The following SESTD1 variants were observed in gnomAD, a reference collection of about 807,000 sequenced individuals.
The protein encoded by SESTD1 is SEC14 and spectrin domain containing 1.
In SESTD1, 43 loss-of-function variants were observed where a neutral mutation model predicts 101.7. The observed-to-expected ratio is 0.42, with a 90% CI of 0.33 to 0.55. SESTD1 has a LOEUF of 0.55. SESTD1 is among the 20% of genes least tolerant of loss of function. The probability of loss-of-function intolerance (pLI) is 0.07; values close to 1 mark genes in which losing one functional copy is unlikely to be tolerated. For missense variants in SESTD1, 647 were observed against 815.1 expected (o/e 0.79, Z 2.51); for synonymous variants, 283 against 286.8 (o/e 0.99, Z 0.13).
At chr2:179,120,411 T>TAAAG (rs948370409) in intron 13 of SESTD1, among the ~76,000 whole-genome samples, 1 of 152,052 alleles carries the variant, frequency 6.6e-6, no homozygotes, top group Admixed American at 6.5e-5. Flanking sequence ...CATGATCTAT[T>TAAAG]AAAGAAAGTA....
At chr2:179,221,902 G>A (rs753689954) in intron 1 of SESTD1, among the ~76,000 whole-genome samples, 3 of 151,722 alleles carry the variant, frequency 2.0e-5, no homozygotes, top group South Asian at 2.1e-4. Context: ...CCTGGGTGAC[G>A]GAGTTAGACC....
chr2:179,124,395 G>A lies in SESTD1; in HGVS notation c.1136C>T (p.Ala379Val). The change falls in exon 11 of 18, where the codon GCA becomes GTA. Residue 379 changes from alanine (A) to valine (V), a missense_variant. Physicochemically the swap from Ala to Val is moderately conservative, Grantham distance 64 (BLOSUM62 0). Transcript: ENST00000428443. ...QLEFRQNLLQ[A>V]ALEFHGVAQD... ...GGCAACACCATGAAATTCAAGAGCT[G>A]CTTGTAAGAGATTTTGCCTAAATTC... is the stretch of plus-strand genomic sequence containing the variant. The A allele has an allele frequency of 6.2e-7, 1 of 1,614,044 alleles. No homozygotes were observed.
chr2:179,189,069 C>G lies in SESTD1; in HGVS notation c.55+2718G>C, dbSNP rs539989048. On this transcript the variant is annotated intron_variant, in intron 2 of 17. Coordinates refer to ENST00000428443, the MANE Select transcript of SESTD1 (RefSeq NM_178123.5). ...AATTAAAGAGGAGGGATTCCCTCTT[C>G]TGTAAAGCCAGCATCATCCTGACAC... is the stretch of plus-strand genomic sequence containing the variant. Among the ~76,000 whole-genome samples, 10 of 152,148 alleles carry G rather than the reference C, an allele frequency of 6.6e-5. No homozygotes were observed. In the South Asian group the frequency reaches 2.1e-3, roughly 32 times the overall value.
chr2:179,249,212 TAA>T (rs58597141), intron 1 of SESTD1, among the ~76,000 whole-genome samples: 12 of 126,008 alleles, frequency 9.5e-5, no homozygotes, highest in Admixed American at 1.6e-4. Flanking sequence ...GCATACAGAT[TAA>T]AAAAAAAAAA....
In SESTD1 at chr2:179,101,797, G is replaced by C. The variant is rs940574102; in HGVS notation, c.*8102C>G. The C allele has an allele frequency of 1.3e-5, 2 of 152,162 alleles. No homozygotes were observed. The highest frequency in any genetic ancestry group is 4.8e-5 in the African/African-American group (2 of 41,444). The allele number at this position is 152,162 out of a possible 1,614,324, so 9.4% of individuals were successfully genotyped here. A position where few individuals can be genotyped will look rare whatever the true frequency, so the allele number is the denominator to read the frequency against. ...AATGAAGCATCTAATGGAAAACCTAGAGATGGATGGATACTCTAACATGTA... is the reference window on the plus strand; with the variant it reads ...AATGAAGCATCTAATGGAAAACCTACAGATGGATGGATACTCTAACATGTA... On this transcript the variant is annotated 3_prime_UTR_variant, in exon 18 of 18. Coordinates refer to ENST00000428443, the MANE Select transcript of SESTD1 (RefSeq NM_178123.5).
At chr2:179,247,361 A>G (rs2105552284) in intron 1 of SESTD1, among the ~76,000 whole-genome samples, 1 of 152,328 alleles carries the variant, frequency 6.6e-6, no homozygotes, top group Non-Finnish European at 1.5e-5. Flanking sequence ...AACATTTACA[A>G]AAATCTAGAA....
At chr2:179,236,785 G>A (rs2047075517) in intron 1 of SESTD1, among the ~76,000 whole-genome samples, 1 of 135,666 alleles carries the variant, frequency 7.4e-6, no homozygotes, top group Non-Finnish European at 1.6e-5. Context: ...ATTTGCTATC[G>A]TTTGATGATC....
At chr2:179,135,524 T>C (rs1037942230) in intron 9 of SESTD1, among the ~76,000 whole-genome samples, 1 of 151,980 alleles carries the variant, frequency 6.6e-6, no homozygotes, top group Non-Finnish European at 1.5e-5. Context: ...GAGGCTGAGG[T>C]GGGCAGATGG....
intron 5 of SESTD1, among the ~76,000 whole-genome samples, chr2:179,160,926 A>G (rs1331519981): frequency 6.6e-6 from 1 of 151,786 alleles, no homozygotes; most frequent in East Asian, 1.9e-4. Context: ...ATAATAACAC[A>G]CCTTAAACAA....
At chr2:179,128,398 G>A (rs2044927712) in intron 10 of SESTD1, among the ~76,000 whole-genome samples, 1 of 152,132 alleles carries the variant, frequency 6.6e-6, no homozygotes, top group South Asian at 2.1e-4. Context: ...ACATTTGCAT[G>A]TATTTAAAAA....
chr2:179,245,128 G>A (rs1257074054), intron 1 of SESTD1, among the ~76,000 whole-genome samples: 2 of 152,172 alleles, frequency 1.3e-5, no homozygotes, highest in East Asian at 3.8e-4. Context: ...GTTAAGGCAG[G>A]AGTATTGCTT....
rs746552349 is a variant in SESTD1 at position 179,109,637 on chromosome 2, C to A, written c.*262G>T. ...GTTGTTTGTCTACAAACTGACAGGTCAGGTAAAGCTTTAAAGCAAGTTTTC... is the reference window on the plus strand; with the variant it reads ...GTTGTTTGTCTACAAACTGACAGGTAAGGTAAAGCTTTAAAGCAAGTTTTC... On this transcript the variant is annotated 3_prime_UTR_variant, in exon 18 of 18. Coordinates refer to ENST00000428443, the MANE Select transcript of SESTD1 (RefSeq NM_178123.5). 4.4e-6 allele frequency: 2 copies of A among 452,848 alleles called. No homozygotes were observed. The highest frequency in any genetic ancestry group is 1.4e-4 in the South Asian group (2 of 14,362). The allele number at this position is 452,848 out of a possible 1,614,324, so 28.1% of individuals were successfully genotyped here.
chr2:179,198,790 G>A lies in SESTD1; in HGVS notation c.-25-6924C>T, dbSNP rs571120676. Among the ~76,000 whole-genome samples, 193 of 151,898 alleles carry A rather than the reference G, an allele frequency of 1.3e-3. 1 individual carries two copies. The highest frequency in any genetic ancestry group is 4.4e-3 in the African/African-American group (183 of 41,406). ...CAGACACAACATACCAGAATTTCTG[G>A]GACGCATTCAAAGCAGTGTGTAGAG... On this transcript the variant is annotated intron_variant, in intron 1 of 17. Coordinates refer to ENST00000428443, the MANE Select transcript of SESTD1 (RefSeq NM_178123.5).
Position 179,102,443 on chromosome 2 carries a change from T to A in SESTD1, c.*7456A>T, listed in dbSNP as rs1162299984. 4 of 152,240 alleles carry A rather than the reference T, an allele frequency of 2.6e-5. No individual in the cohort carries two copies. The highest frequency in any genetic ancestry group is 9.6e-5 in the African/African-American group (4 of 41,552). 9.4% of individuals were successfully genotyped at this position (152,240 alleles called of 1,614,324 possible). Reference sequence around the variant, plus strand: ...TTCTCCCTAGATTTTATGAACAACTTTTATTAACAGAAATCAAACTTATTG... The same window carrying A: ...TTCTCCCTAGATTTTATGAACAACTATTATTAACAGAAATCAAACTTATTG... On this transcript the variant is annotated 3_prime_UTR_variant, in exon 18 of 18. Transcript: ENST00000428443.
Position 179,109,968 on chromosome 2 carries a change from G to A in SESTD1, c.2022C>T (p.Asp674=). 6.2e-7 allele frequency: 1 copy of A among 1,613,848 alleles called. No individual in the cohort carries two copies. The highest frequency in any genetic ancestry group is 8.5e-7 in the Non-Finnish European group (1 of 1,179,886). ...TTTTGAGATTAACTAGTTTCATCCT[G>A]TCTCTGATGTTTTCTGCAGTAGAAG... ...DMASTAENIR[D]RMKLVNLKRQ... Residue 674 remains aspartate (D), a synonymous_variant, in exon 18 of 18, where the codon GAC becomes GAT. Coordinates refer to ENST00000428443, the MANE Select transcript of SESTD1 (RefSeq NM_178123.5).
At chr2:179,233,494 C>G (rs2105540436) in intron 1 of SESTD1, among the ~76,000 whole-genome samples, 1 of 152,118 alleles carries the variant, frequency 6.6e-6, no homozygotes, top group East Asian at 1.9e-4. Context: ...CGCTCTGTCA[C>G]CCAGGCTGGA....
chr2:179,203,885 A>C lies in SESTD1; in HGVS notation c.-25-12019T>G, dbSNP rs769543560. On this transcript the variant is annotated intron_variant, in intron 1 of 17. Coordinates refer to ENST00000428443, the MANE Select transcript of SESTD1 (RefSeq NM_178123.5). ...GAGTTGAGTCCAGCCTGGGCAACATAGCAAGATCCCTGTCTATAAAAAATA... is the reference window on the plus strand; with the variant it reads ...GAGTTGAGTCCAGCCTGGGCAACATCGCAAGATCCCTGTCTATAAAAAATA... 3.6e-4 allele frequency among the ~76,000 whole-genome samples: 48 copies of C among 134,294 alleles called. 9 individuals carry two copies. The highest frequency in any genetic ancestry group is 5.6e-4 in the Non-Finnish European group (35 of 62,716). 88.1% of individuals were successfully genotyped at this position (134,294 alleles called of 152,430 possible). A position where few individuals can be genotyped will look rare whatever the true frequency, so the allele number is the denominator to read the frequency against.
intron 9 of SESTD1, among the ~76,000 whole-genome samples, chr2:179,136,497 G>A (rs983667279): frequency 2.6e-5 from 4 of 152,162 alleles, no homozygotes; most frequent in Non-Finnish European, 5.9e-5. Flanking sequence ...AATTTTCCAT[G>A]TCTTTTTTGG....
chr2:179,261,040 T>TAC (rs1474034448), intron 1 of SESTD1, among the ~76,000 whole-genome samples: 1 of 152,168 alleles, frequency 6.6e-6, no homozygotes, highest in Non-Finnish European at 1.5e-5. Context: ...TCTATATATA[T>TAC]ACACATACAT....
Sources: allele counts gnomAD v4.1 joint callset (sites outside exome capture counted in the v4.1 genomes callset), GRCh38; gene constraint gnomAD v4.1.1; transcripts MANE v1.5; gene names NCBI Gene and HGNC (gene_info 2026-07-23, HGNC 2026-07-21).